The following BID variants were observed in gnomAD, a reference collection of about 807,000 sequenced individuals.
The protein encoded by BID is BH3 interacting domain death agonist.
In BID, 19 loss-of-function variants were observed where a neutral mutation model predicts 17.4. The ratio of observed to expected loss-of-function variants is 1.09; its 90% confidence interval spans 0.76 to 1.60. BID has a LOEUF of 1.60. BID is among the 40% of genes most tolerant of loss of function. The probability of loss-of-function intolerance (pLI) is 0.00; values close to 1 mark genes in which losing one functional copy is unlikely to be tolerated. For synonymous variants in BID, 108 were observed against 102.8 expected, an observed-to-expected ratio of 1.05 and a Z score of -0.31; for missense variants, 226 against 256.0, an observed-to-expected ratio of 0.88 and a Z score of 0.80.
intron 3 of BID, chr22:17,740,051 C>CA: frequency 6.2e-7 from 1 of 1,603,496 alleles, no homozygotes; most frequent in Non-Finnish European, 8.5e-7. Context: ...TCCTCTGGCG[C>CA]ACAGCCTCCG....
intron 1 of BID, among the ~76,000 whole-genome samples, chr22:17,758,821 T>C (rs2061612539): frequency 6.6e-6 from 1 of 152,226 alleles, no homozygotes; most frequent in Non-Finnish European, 1.5e-5. Flanking sequence ...TTGGTGGTAA[T>C]GGTTGCACGA....
intron 3 of BID, chr22:17,739,949 G>A: frequency 5.2e-6 from 5 of 960,160 alleles, no homozygotes; most frequent in Non-Finnish European, 7.9e-6. Context: ...CCCGTCTCAG[G>A]AAAACCCCAG....
At chr22:17,768,227 CCT>C (rs1250828285) in intron 1 of BID, among the ~76,000 whole-genome samples, 1 of 152,166 alleles carries the variant, frequency 6.6e-6, no homozygotes, top group Non-Finnish European at 1.5e-5. Flanking sequence ...TGAACTGTGC[CCT>C]TTGATGGGTG....
intron 1 of BID, among the ~76,000 whole-genome samples, chr22:17,751,590 C>T (rs185849109): frequency 3.7e-4 from 57 of 152,222 alleles, no homozygotes; most frequent in Non-Finnish European, 7.4e-4. Context: ...AAATAAAAAG[C>T]AAACAGAGGA....
Position 17,768,640 on chromosome 22 carries a change from G to A in BID, c.-59+5741C>T, listed in dbSNP as rs544241089. Among the ~76,000 whole-genome samples the A allele has an allele frequency of 3.0e-4, 45 of 152,306 alleles. No homozygotes were observed. In the South Asian group the frequency reaches 4.1e-3, roughly 14 times the overall value. ...TGTAATCCCAGCACTTTGGGAGGCCGAGGCGGGTGGATCACGAGGTCAGGA... is the reference window on the plus strand; with the variant it reads ...TGTAATCCCAGCACTTTGGGAGGCCAAGGCGGGTGGATCACGAGGTCAGGA... On this transcript the variant is annotated intron_variant, in intron 1 of 5. Coordinates refer to ENST00000622694, the MANE Select transcript of BID (RefSeq NM_001196.4).
At chr22:17,767,125 G>A (rs2061684672) in intron 1 of BID, among the ~76,000 whole-genome samples, 3 of 151,696 alleles carry the variant, frequency 2.0e-5, no homozygotes, top group African/African-American at 7.2e-5. Flanking sequence ...TTGGGAGGCT[G>A]AGGCAGGAGA....
chr22:17,737,606 A>G (rs553606857), intron 5 of BID, among the ~76,000 whole-genome samples: 2 of 152,328 alleles, frequency 1.3e-5, no homozygotes, highest in African/African-American at 4.8e-5. Context: ...TTGGCCTCCC[A>G]GAGCAGTGGG....
chr22:17,759,865 G>A (rs531767194), intron 1 of BID, among the ~76,000 whole-genome samples: 8 of 152,126 alleles, frequency 5.3e-5, no homozygotes, highest in Non-Finnish European at 8.8e-5. Context: ...TGTTTCGGCC[G>A]GGCGAGGTGG....
intron 1 of BID, among the ~76,000 whole-genome samples, chr22:17,756,543 C>CTTTCTTCTTTCT (rs1203304553): frequency 7.0e-6 from 1 of 142,528 alleles, no homozygotes. Flanking sequence ...TCTTTCCTTC[C>CTTTCTTCTTTCT]TTCCTTCTTT....
At chr22:17,740,959 C>T (rs879353062) in intron 3 of BID, 2 of 152,184 alleles carry the variant, frequency 1.3e-5, no homozygotes, top group Admixed American at 1.3e-4. Context: ...AGTAAGTGTT[C>T]AATAGATGCC....
chr22:17,749,864 C>T (rs1305246529), intron 2 of BID, among the ~76,000 whole-genome samples: 1 of 152,198 alleles, frequency 6.6e-6, no homozygotes, highest in Admixed American at 6.5e-5. Flanking sequence ...GCCCCAGGCG[C>T]GGTGTGGAGG....
chr22:17,755,676 C>T (rs1452555450), intron 1 of BID, among the ~76,000 whole-genome samples: 1 of 151,690 alleles, frequency 6.6e-6, no homozygotes, highest in Non-Finnish European at 1.5e-5. Context: ...TGGCGCGTAC[C>T]TGTAATCCAG....
intron 1 of BID, among the ~76,000 whole-genome samples, chr22:17,754,794 C>T (rs12168848): frequency 7.5e-4 from 114 of 152,290 alleles, no homozygotes; most frequent in African/African-American, 2.6e-3. Flanking sequence ...GACAGAGTCT[C>T]ACCTGTGTAA....
chr22:17,768,188 G>A (rs973446762), intron 1 of BID, among the ~76,000 whole-genome samples: 5 of 152,346 alleles, frequency 3.3e-5, no homozygotes, highest in Admixed American at 6.5e-5. Flanking sequence ...CGGTGGTGAC[G>A]GTCGCACACC....
intron 1 of BID, among the ~76,000 whole-genome samples, chr22:17,755,367 C>A (rs1003253710): frequency 6.6e-6 from 1 of 152,114 alleles, no homozygotes; most frequent in Non-Finnish European, 1.5e-5. Flanking sequence ...TGGACCATGG[C>A]CTAGATTGGT....
intron 1 of BID, among the ~76,000 whole-genome samples, chr22:17,754,476 G>A (rs1016259902): frequency 2.6e-5 from 4 of 152,272 alleles, no homozygotes; most frequent in Admixed American, 1.3e-4. Flanking sequence ...AGGCCCTCAC[G>A]AGTATGCTCA....
intron 1 of BID, among the ~76,000 whole-genome samples, chr22:17,756,434 TC>T (rs1194973492): frequency 2.0e-5 from 1 of 50,830 alleles, no homozygotes; most frequent in Non-Finnish European, 3.9e-5. Flanking sequence ...CTTTCTTTCT[TC>T]TTTCTTTCTT....
At chr22:17,751,541 C>A (rs1440752045) in intron 1 of BID, among the ~76,000 whole-genome samples, 1 of 152,036 alleles carries the variant, frequency 6.6e-6, no homozygotes, top group Non-Finnish European at 1.5e-5. Context: ...AGGACAAAAC[C>A]AAGCATTGGC....
chr22:17,746,729 G>A (rs930251842), intron 2 of BID, among the ~76,000 whole-genome samples: 2 of 152,234 alleles, frequency 1.3e-5, no homozygotes, highest in Non-Finnish European at 1.5e-5. Context: ...AAAGGAGAGG[G>A]AGATTTAAGC....
Sources: gnomAD v4.1 joint callset for allele counts (sites outside exome capture counted in the v4.1 genomes callset) on GRCh38, gnomAD v4.1.1 for gene constraint, MANE v1.5 for transcripts, NCBI Gene and HGNC (gene_info 2026-07-23, HGNC 2026-07-21) for gene names.